The following TNS3 variants were observed in gnomAD, a reference collection of about 807,000 sequenced individuals.
TNS3 encodes the protein tensin 3.
A neutral mutation model predicts 140.9 loss-of-function variants in TNS3; 45 were observed. The observed-to-expected ratio is 0.32, with a 90% confidence interval of 0.25 to 0.41. TNS3 has a LOEUF of 0.41. Among genes scored for constraint, TNS3 ranks in the 10% least tolerant of loss-of-function variants. The pLI is 1.00. For synonymous variants in TNS3, 815 were observed against 788.4 expected (o/e 1.03, Z -0.56); for missense variants, 1,716 against 1,906.7 (o/e 0.90, Z 1.86).
intron 4 of TNS3, among the ~76,000 whole-genome samples, chr7:47,458,154 T>G (rs2151672788): frequency 6.6e-6 from 1 of 152,342 alleles, no homozygotes. Flanking sequence ...GAGGAAATAA[T>G]GTCCTTGGTA....
chr7:47,453,945 G>A (rs753654227), intron 4 of TNS3, among the ~76,000 whole-genome samples: 17 of 152,382 alleles, frequency 1.1e-4, no homozygotes, highest in Non-Finnish European at 2.1e-4. Context: ...GGTCAGTCAC[G>A]TCCCTTTAAC....
chr7:47,318,561 C>T (rs1443780686), intron 20 of TNS3, among the ~76,000 whole-genome samples: 1 of 152,082 alleles, frequency 6.6e-6, no homozygotes, highest in African/African-American at 2.4e-5. Context: ...CAAAGCAGCA[C>T]CAGAAAAGAA....
intron 3 of TNS3, among the ~76,000 whole-genome samples, chr7:47,483,171 A>ATTT (rs10716006): frequency 1.4e-5 from 2 of 139,488 alleles, no homozygotes; most frequent in East Asian, 2.1e-4. Context: ...AGTGTGTCCA[A>ATTT]TTTTTTTTTT....
At chr7:47,451,127 T>C (rs1795994481) in intron 4 of TNS3, among the ~76,000 whole-genome samples, 1 of 151,054 alleles carries the variant, frequency 6.6e-6, no homozygotes, top group Admixed American at 6.6e-5. Context: ...GTCTAAAAAA[T>C]AAGAAAAAGC....
rs920111599 is a variant in TNS3 at position 47,559,732 on chromosome 7, C to T, written c.-265+22319G>A. Among the ~76,000 whole-genome samples, 5 of 152,164 alleles carry T rather than the reference C, an allele frequency of 3.3e-5. No homozygotes were observed. In the South Asian group the frequency reaches 6.2e-4, roughly 19 times the overall value. On this transcript the variant is annotated intron_variant, in intron 1 of 30. Transcript: ENST00000311160. ...GGGCCCTTGTCCATCTCTGCACTCA[C>T]CTCCTTCCACTCCCCCTCATTCCAG...
chr7:47,570,825 CTT>C (rs3214808), intron 1 of TNS3, among the ~76,000 whole-genome samples: 2 of 147,368 alleles, frequency 1.4e-5, no homozygotes, highest in East Asian at 2.0e-4. Flanking sequence ...TTTTTTCTTT[CTT>C]TTTTTTTTTA....
chr7:47,307,105 G>A (rs550405566), intron 20 of TNS3, among the ~76,000 whole-genome samples: 100 of 152,170 alleles, frequency 6.6e-4, no homozygotes, highest in Admixed American at 4.1e-3. Context: ...ATATGTAAAC[G>A]TCCATGAAAC....
In TNS3 at chr7:47,283,855, C is replaced by T; in HGVS notation, c.3939G>A (p.Val1313=). The change falls in exon 28 of 31, where the codon GTG becomes GTA. Residue 1313 remains valine, a synonymous_variant. Transcript: ENST00000311160. Reference sequence around the variant, plus strand: ...CCATCTCCACAGAGTTCAAGTACCACACATTGCAGGCTGGAAGACACCAAG... The same window carrying T: ...CCATCTCCACAGAGTTCAAGTACCATACATTGCAGGCTGGAAGACACCAAG... ...ELLKQGAACN[V]WYLNSVEMES... 1 of 1,600,048 alleles carries T rather than the reference C, an allele frequency of 6.2e-7. No homozygotes were observed. The highest frequency in any genetic ancestry group is 8.5e-7 in the Non-Finnish European group (1 of 1,174,310).
intron 17 of TNS3, among the ~76,000 whole-genome samples, chr7:47,362,084 G>C (rs1414835994): frequency 6.6e-6 from 1 of 152,180 alleles, no homozygotes; most frequent in Non-Finnish European, 1.5e-5. Context: ...CTGAGACCCA[G>C]AGTGGGGCGG....
At chr7:47,457,955 T>C (rs546514364) in intron 4 of TNS3, among the ~76,000 whole-genome samples, 68 of 152,286 alleles carry the variant, frequency 4.5e-4, no homozygotes, top group African/African-American at 1.6e-3. Flanking sequence ...AGCAGAAGCT[T>C]GAGCCTATCA....
intron 17 of TNS3, among the ~76,000 whole-genome samples, chr7:47,350,573 T>TGGCG (rs1275576563): frequency 6.6e-6 from 1 of 152,196 alleles, no homozygotes; most frequent in Non-Finnish European, 1.5e-5. Context: ...GCTACCGGGC[T>TGGCG]GGCGGGAGCT....
At chr7:47,380,075 C>T (rs1319613698) in intron 16 of TNS3, among the ~76,000 whole-genome samples, 1 of 152,258 alleles carries the variant, frequency 6.6e-6, no homozygotes, top group Non-Finnish European at 1.5e-5. Flanking sequence ...GGCCAGATTC[C>T]AAGCGCTCCC....
At chr7:47,577,092 C>T (rs1800692621) in intron 1 of TNS3, among the ~76,000 whole-genome samples, 1 of 152,220 alleles carries the variant, frequency 6.6e-6, no homozygotes, top group Non-Finnish European at 1.5e-5. Flanking sequence ...GGAGGTGACA[C>T]ACTTTAGTCC....
At chr7:47,499,806 C>T (rs2151857301) in intron 3 of TNS3, among the ~76,000 whole-genome samples, 1 of 152,232 alleles carries the variant, frequency 6.6e-6, no homozygotes, top group South Asian at 2.1e-4. Context: ...CCTGTCCAAA[C>T]CCATGGAATG....
intron 24 of TNS3, among the ~76,000 whole-genome samples, chr7:47,294,250 G>A (rs1414434964): frequency 2.0e-5 from 3 of 152,228 alleles, no homozygotes; most frequent in Non-Finnish European, 4.4e-5. Flanking sequence ...TCACTGAAAA[G>A]AGCTGGAAGG....
chr7:47,581,753 C>A (rs1231301367), intron 1 of TNS3: 2 of 150,330 alleles, frequency 1.3e-5, no homozygotes, highest in Non-Finnish European at 3.0e-5. Flanking sequence ...GCCCCCCACG[C>A]GCCGCAAACC....
chr7:47,392,121 G>T (rs149095281), intron 16 of TNS3, among the ~76,000 whole-genome samples: 3 of 152,134 alleles, frequency 2.0e-5, no homozygotes, highest in Non-Finnish European at 2.9e-5. Context: ...ACTGTGTGCC[G>T]CGAGATATTC....
chr7:47,310,996 T>A (rs1274786350), intron 20 of TNS3, among the ~76,000 whole-genome samples: 1 of 141,828 alleles, frequency 7.1e-6, no homozygotes. Flanking sequence ...TGGTTCCAAG[T>A]CTTTGCTGTT....
chr7:47,391,223 C>A (rs1229330840), intron 16 of TNS3, among the ~76,000 whole-genome samples: 1 of 152,314 alleles, frequency 6.6e-6, no homozygotes, highest in South Asian at 2.1e-4. Context: ...ATTGTACAGG[C>A]AAAGTGGTTG....
Sources: gnomAD v4.1 joint callset for allele counts (sites outside exome capture counted in the v4.1 genomes callset) on GRCh38, gnomAD v4.1.1 for gene constraint, MANE v1.5 for transcripts, NCBI Gene and HGNC (gene_info 2026-07-23, HGNC 2026-07-21) for gene names.